XKR4: variants seen among roughly 807,000 people sequenced by gnomAD.
The protein encoded by XKR4 is XK related 4.
XKR4 carries 12 observed loss-of-function variants against 53.9 expected under a neutral mutation model. The observed-to-expected ratio is 0.22, with a 90% CI of 0.14 to 0.36. XKR4 has a LOEUF of 0.36. XKR4 is among the 10% of genes least tolerant of loss of function. The probability of loss-of-function intolerance (pLI) is 1.00; values close to 1 mark genes in which losing one functional copy is unlikely to be tolerated. For synonymous variants in XKR4, 354 were observed against 362.4 expected (o/e 0.98, Z 0.26); for missense variants, 799 against 859.5 (o/e 0.93, Z 0.88).
At chr8:55,482,790 T>G (rs2129401398) in intron 2 of XKR4, among the ~76,000 whole-genome samples, 1 of 152,330 alleles carries the variant, frequency 6.6e-6, no homozygotes, top group East Asian at 1.9e-4. Flanking sequence ...ATTGAATGTA[T>G]TTTGGATTTC....
chr8:55,112,562 G>GTTTGTT (rs1816246308), intron 1 of XKR4, among the ~76,000 whole-genome samples: 1 of 77,212 alleles, frequency 1.3e-5, no homozygotes. Context: ...TACTTTTCAG[G>GTTTGTT]TTTTTTTTTT....
chr8:55,390,796 G>A (rs1441690645), intron 2 of XKR4, among the ~76,000 whole-genome samples: 4 of 152,198 alleles, frequency 2.6e-5, no homozygotes, highest in Admixed American at 2.6e-4. Flanking sequence ...TTTGTTCGCT[G>A]TACATTGCCA....
At chr8:55,228,007 A>G (rs980239556) in intron 1 of XKR4, among the ~76,000 whole-genome samples, 1 of 152,212 alleles carries the variant, frequency 6.6e-6, no homozygotes, top group Non-Finnish European at 1.5e-5. Context: ...CCTGGGCTCC[A>G]GCAATTCTCC....
chr8:55,394,187 C>G (rs1241505013), intron 2 of XKR4, among the ~76,000 whole-genome samples: 3 of 152,212 alleles, frequency 2.0e-5, no homozygotes, highest in Non-Finnish European at 2.9e-5. Flanking sequence ...TTAATTTTAA[C>G]TAGCTCACCT....
chr8:55,417,545 G>A (rs1585563603), intron 2 of XKR4, among the ~76,000 whole-genome samples: 2 of 152,240 alleles, frequency 1.3e-5, no homozygotes, highest in East Asian at 3.9e-4. Context: ...ATTGCAAACT[G>A]GTCATCACTC....
rs139689941 is a variant in XKR4 at position 55,253,200 on chromosome 8, C to T, written c.807-104478C>T. On this transcript the variant is annotated intron_variant, in intron 1 of 2. Transcript: ENST00000327381. ...CTTACTATGCTATGCCTTTTCCTTC[C>T]GACGTAAATATTCTCTTCCTTCCTC... is the stretch of plus-strand genomic sequence containing the variant. Among the ~76,000 whole-genome samples, 100 of 152,020 alleles carry T rather than the reference C, an allele frequency of 6.6e-4. 1 individual carries two copies. The highest frequency in any genetic ancestry group is 1.9e-3 in the African/African-American group (78 of 41,456).
At position 55,540,670 on chromosome 8, in the gene XKR4, T is replaced by C. The variant is rs561932667; in HGVS notation, c.*16443T>C. 1 of 152,360 alleles carries C rather than the reference T, an allele frequency of 6.6e-6. No homozygotes were observed. Among genetic ancestry groups the C allele is most frequent in the East Asian group, 1.9e-4 (1 of 5,192 alleles). 9.4% of individuals were successfully genotyped at this position (152,360 alleles called of 1,614,324 possible). On this transcript the variant is annotated 3_prime_UTR_variant, in exon 3 of 3. Transcript: ENST00000327381. The stretch of plus-strand genomic sequence containing the variant: ...ATGAGCCAGAGGTTTCTTCTCTCTT[T>C]GAAACCAAATAGCACGCTGAATTTA...
At chr8:55,283,720 T>A (rs1818870510) in intron 1 of XKR4, among the ~76,000 whole-genome samples, 1 of 152,154 alleles carries the variant, frequency 6.6e-6, no homozygotes, top group African/African-American at 2.4e-5. Context: ...TTTTTGCACA[T>A]CCAAATGCAC....
intron 1 of XKR4, among the ~76,000 whole-genome samples, chr8:55,143,998 TTTA>T (rs906094640): frequency 5.9e-5 from 9 of 152,208 alleles, no homozygotes; most frequent in Non-Finnish European, 1.0e-4. Context: ...CTCTCTGCTT[TTTA>T]TTACTTCTCC....
intron 1 of XKR4, among the ~76,000 whole-genome samples, chr8:55,335,998 A>G (rs1261261555): frequency 6.7e-6 from 1 of 149,858 alleles, no homozygotes; most frequent in Non-Finnish European, 1.5e-5. Context: ...TGTTAGTTAC[A>G]TGAATCCACA....
At chr8:55,472,058 G>T (rs1353915563) in intron 2 of XKR4, among the ~76,000 whole-genome samples, 1 of 152,166 alleles carries the variant, frequency 6.6e-6, no homozygotes, top group Non-Finnish European at 1.5e-5. Context: ...ATGAATAAAA[G>T]AGAGATGTTC....
At chr8:55,489,352 G>C (rs545277868) in intron 2 of XKR4, among the ~76,000 whole-genome samples, 49 of 152,126 alleles carry the variant, frequency 3.2e-4, no homozygotes, top group African/African-American at 1.1e-3. Flanking sequence ...TAACTTAATA[G>C]TAACCATGTT....
At chr8:55,133,609 G>C (rs922668084) in intron 1 of XKR4, among the ~76,000 whole-genome samples, 1 of 152,206 alleles carries the variant, frequency 6.6e-6, no homozygotes, top group African/African-American at 2.4e-5. Flanking sequence ...CAAGTAATAA[G>C]TTAACACTCC....
At chr8:55,297,240 G>T (rs1819115380) in intron 1 of XKR4, among the ~76,000 whole-genome samples, 1 of 152,122 alleles carries the variant, frequency 6.6e-6, no homozygotes, top group South Asian at 2.1e-4. Context: ...AGAGGCTTCA[G>T]ACTAGAAACG....
chr8:55,164,121 A>G (rs1376226523), intron 1 of XKR4: 1 of 449,354 alleles, frequency 2.2e-6, no homozygotes. Flanking sequence ...TCAGCAGACC[A>G]CAGCCCCAGA....
At chr8:55,355,906 A>G (rs181405805) in intron 1 of XKR4, among the ~76,000 whole-genome samples, 43 of 152,322 alleles carry the variant, frequency 2.8e-4, no homozygotes, top group Admixed American at 2.7e-3. Context: ...AATGCAGTTC[A>G]TTCACAGACT....
At chr8:55,345,913 A>AC (rs1280844099) in intron 1 of XKR4, among the ~76,000 whole-genome samples, 1 of 151,882 alleles carries the variant, frequency 6.6e-6, no homozygotes, top group East Asian at 1.9e-4. Flanking sequence ...CAATTCATTC[A>AC]CTTTTTTTTT....
chr8:55,200,063 T>C (rs1817558595), intron 1 of XKR4, among the ~76,000 whole-genome samples: 1 of 152,190 alleles, frequency 6.6e-6, no homozygotes, highest in Admixed American at 6.5e-5. Context: ...TGGGTAAATC[T>C]GTATCCTTTT....
chr8:55,315,245 G>A (rs917568546), intron 1 of XKR4, among the ~76,000 whole-genome samples: 2 of 152,200 alleles, frequency 1.3e-5, no homozygotes, highest in Admixed American at 6.5e-5. Flanking sequence ...GAGCTGCAAG[G>A]ACACAGAGAT....
Sources: allele counts gnomAD v4.1 joint callset (sites outside exome capture counted in the v4.1 genomes callset), GRCh38; gene constraint gnomAD v4.1.1; transcripts MANE v1.5; gene names NCBI Gene and HGNC (gene_info 2026-07-23, HGNC 2026-07-21).